DYNC2H1: variants seen among roughly 807,000 people sequenced by gnomAD.
The protein encoded by DYNC2H1 is dynein cytoplasmic 2 heavy chain 1.
A neutral mutation model predicts 570.0 loss-of-function variants in DYNC2H1; 410 were observed. The ratio of observed to expected loss-of-function variants is 0.72; its 90% confidence interval spans 0.66 to 0.78. The LOEUF (loss-of-function observed/expected upper bound fraction) is 0.78. Among genes scored for constraint, DYNC2H1 ranks in the 30% least tolerant of loss-of-function variants. The pLI, the probability that DYNC2H1 is intolerant of heterozygous loss-of-function variation, is 0.00. For synonymous variants in DYNC2H1, 1,688 were observed against 1,677.6 expected (o/e 1.01, Z -0.15); for missense variants, 4,865 against 5,046.4 (o/e 0.96, Z 1.09).
rs557512912 is a variant in DYNC2H1 at position 103,359,225 on chromosome 11, T to C, written c.12156+866T>C. ...TTATATCTCTGTTTTTTATAAGAAA[T>C]CCGTTGATGTGATTTTGTAGTTTTA... is the stretch of plus-strand genomic sequence containing the variant. On this transcript the variant is annotated intron_variant, in intron 83 of 88. Coordinates refer to ENST00000375735, the MANE Select transcript of DYNC2H1 (RefSeq NM_001377.3). Among the ~76,000 whole-genome samples, 6 of 152,342 alleles carry C rather than the reference T, an allele frequency of 3.9e-5. No homozygotes were observed. The East Asian group carries it at 1.2e-3, about 29-fold the overall frequency.
chr11:103,229,295 A>G (rs1863916431), intron 59 of DYNC2H1, among the ~76,000 whole-genome samples: 1 of 152,180 alleles, frequency 6.6e-6, no homozygotes, highest in South Asian at 2.1e-4. Context: ...TCTTGCAGCG[A>G]AAGTTCACCA....
At chr11:103,432,546 C>G (rs1466743972) in intron 84 of DYNC2H1, among the ~76,000 whole-genome samples, 2 of 152,144 alleles carry the variant, frequency 1.3e-5, no homozygotes, top group Non-Finnish European at 2.9e-5. Context: ...GTTGTCTCCA[C>G]TGATTTACGA....
intron 85 of DYNC2H1, among the ~76,000 whole-genome samples, chr11:103,453,089 GT>G (rs1944664344): frequency 6.6e-6 from 1 of 151,238 alleles, no homozygotes; most frequent in Admixed American, 6.6e-5. Flanking sequence ...TTACTTCCAT[GT>G]TATATCCGTT....
intron 6 of DYNC2H1, among the ~76,000 whole-genome samples, chr11:103,120,086 G>A (rs1036412355): frequency 1.3e-5 from 2 of 152,034 alleles, no homozygotes; most frequent in Non-Finnish European, 2.9e-5. Flanking sequence ...AAAATCAGAA[G>A]TTATTACTAT....
At chr11:103,397,982 G>T (rs1942467061) in intron 83 of DYNC2H1, among the ~76,000 whole-genome samples, 1 of 152,192 alleles carries the variant, frequency 6.6e-6, no homozygotes, top group Non-Finnish European at 1.5e-5. Flanking sequence ...ATCTAAGTTT[G>T]AGTGTTTTTG....
chr11:103,313,073 A>C (rs1387456829), intron 79 of DYNC2H1, among the ~76,000 whole-genome samples: 1 of 152,178 alleles, frequency 6.6e-6, no homozygotes, highest in Non-Finnish European at 1.5e-5. Flanking sequence ...GCATTTAGCA[A>C]CCAGAATTAT....
intron 70 of DYNC2H1, among the ~76,000 whole-genome samples, chr11:103,260,662 C>T (rs1865240230): frequency 6.6e-6 from 1 of 150,728 alleles, no homozygotes; most frequent in Non-Finnish European, 1.5e-5. Flanking sequence ...CTCTGTTGCC[C>T]AGGCTGGAGT....
intron 81 of DYNC2H1, among the ~76,000 whole-genome samples, chr11:103,322,727 C>A (rs1938277955): frequency 6.6e-6 from 1 of 152,114 alleles, no homozygotes; most frequent in Non-Finnish European, 1.5e-5. Flanking sequence ...GTGTATAACT[C>A]TACAAAGAGT....
chr11:103,374,260 C>T (rs1463026514), intron 83 of DYNC2H1, among the ~76,000 whole-genome samples: 9 of 152,122 alleles, frequency 5.9e-5, no homozygotes, highest in Non-Finnish European at 1.2e-4. Flanking sequence ...GTGGTTTTCT[C>T]ATGCTGTTCT....
At chr11:103,251,837 T>G (rs1200610499) in intron 65 of DYNC2H1, among the ~76,000 whole-genome samples, 4 of 152,200 alleles carry the variant, frequency 2.6e-5, no homozygotes, top group South Asian at 2.1e-4. Context: ...TTATGGCAAA[T>G]GGCAGGATCT....
chr11:103,372,517 G>A (rs1941212890), intron 83 of DYNC2H1, among the ~76,000 whole-genome samples: 1 of 152,082 alleles, frequency 6.6e-6, no homozygotes, highest in African/African-American at 2.4e-5. Context: ...TTCTGTTAAT[G>A]TGTGTCATTT....
At position 103,256,002 on chromosome 11, in the gene DYNC2H1, A is replaced by G. The variant is rs994048255; in HGVS notation, c.10327-104A>G. 4.0e-5 allele frequency: 40 copies of G among 999,250 alleles called. 1 individual carries two copies. In the African/African-American group the frequency reaches 5.5e-4, roughly 14 times the overall value. The allele number at this position is 999,250 out of a possible 1,614,324, so 61.9% of individuals were successfully genotyped here. A position where few individuals can be genotyped will look rare whatever the true frequency, so the allele number is the denominator to read the frequency against. On this transcript the variant is annotated intron_variant, in intron 67 of 88. Transcript: ENST00000375735. This position sits in a 1 kb window ranked among gnomAD's most constrained non-coding sequence, Gnocchi z 4.0. The stretch of plus-strand genomic sequence containing the variant: ...AATGTTGAAATTCTTCTAAAATAAC[A>G]TAAGTTGCCATAAACATCAAATGAA...
chr11:103,390,564 C>T (rs1031681521), intron 83 of DYNC2H1, among the ~76,000 whole-genome samples: 5 of 152,030 alleles, frequency 3.3e-5, no homozygotes, highest in Admixed American at 6.6e-5. Context: ...TTATTTTGCT[C>T]GTTAGTTGAT....
chr11:103,223,194 G>A, intron 59 of DYNC2H1, 108 bp downstream of exon 59: 1 of 1,111,118 alleles, frequency 9.0e-7, no homozygotes, highest in Non-Finnish European at 1.2e-6. Context: ...AATGGCAGTT[G>A]ACAATACTAA....
chr11:103,360,000 C>T (rs935372365), intron 83 of DYNC2H1, among the ~76,000 whole-genome samples: 4 of 151,990 alleles, frequency 2.6e-5, no homozygotes, highest in Non-Finnish European at 4.4e-5. Flanking sequence ...TAGCCCATTA[C>T]TAGTTCTCTG....
At chr11:103,130,245 A>T (rs1186158283) in intron 13 of DYNC2H1, among the ~76,000 whole-genome samples, 1 of 152,178 alleles carries the variant, frequency 6.6e-6, no homozygotes, top group Admixed American at 6.5e-5. Context: ...GAAAGCAAAT[A>T]TTCAGCATAA....
At chr11:103,144,019 T>G (rs999546024) in intron 18 of DYNC2H1, among the ~76,000 whole-genome samples, 2 of 152,240 alleles carry the variant, frequency 1.3e-5, no homozygotes, top group African/African-American at 4.8e-5. Context: ...AAATACTTAG[T>G]GCACATTTAT....
At chr11:103,175,869 T>C (rs974026437) in intron 36 of DYNC2H1, among the ~76,000 whole-genome samples, 1 of 152,170 alleles carries the variant, frequency 6.6e-6, no homozygotes, top group African/African-American at 2.4e-5. Flanking sequence ...AAAATTGGAA[T>C]AACAATAGTA....
chr11:103,148,641 T>C (rs752599529), intron 20 of DYNC2H1, 24 bp downstream of exon 20: 1 of 1,541,066 alleles, frequency 6.5e-7, no homozygotes, highest in South Asian at 1.2e-5. Context: ...AGTAAAATTA[T>C]TATTATTACT....
Sources: gnomAD v4.1 joint callset for allele counts (sites outside exome capture counted in the v4.1 genomes callset) on GRCh38, gnomAD v4.1.1 for gene constraint, Gnocchi (gnomAD v3.1) non-coding constraint, MANE v1.5 for transcripts, NCBI Gene and HGNC (gene_info 2026-07-23, HGNC 2026-07-21) for gene names.